OPCML: variants seen among roughly 807,000 people sequenced by gnomAD.
OPCML encodes the protein opioid-binding protein/cell adhesion molecule.
Under a neutral mutation model 37.8 loss-of-function variants are expected in OPCML, and 13 were observed. The observed-to-expected ratio is 0.34, with a 90% CI of 0.22 to 0.55. The LOEUF (loss-of-function observed/expected upper bound fraction) is 0.55. OPCML is among the 20% of genes least tolerant of loss of function. The probability of loss-of-function intolerance (pLI) is 0.91; values close to 1 mark genes in which losing one functional copy is unlikely to be tolerated. For missense variants in OPCML, 341 were observed against 435.6 expected (o/e 0.78, Z 1.93); for synonymous variants, 176 against 168.8 (o/e 1.04, Z -0.33).
intron 2 of OPCML, among the ~76,000 whole-genome samples, chr11:132,724,150 A>G (rs1232616203): frequency 6.6e-6 from 1 of 152,168 alleles, no homozygotes; most frequent in Non-Finnish European, 1.5e-5. Flanking sequence ...GAGCATGTCC[A>G]GGAATGGGAC....
chr11:133,097,194 G>A (rs886747355), intron 1 of OPCML, among the ~76,000 whole-genome samples: 4 of 152,154 alleles, frequency 2.6e-5, no homozygotes, highest in Admixed American at 6.5e-5. Context: ...ATTGCGCAAT[G>A]TGTGATCTCA....
chr11:132,916,307 C>T (rs1316931365), intron 2 of OPCML, among the ~76,000 whole-genome samples: 1 of 152,114 alleles, frequency 6.6e-6, no homozygotes, highest in Non-Finnish European at 1.5e-5. Context: ...GCTGACTCTC[C>T]CCACCCATGA....
chr11:133,031,394 G>T lies in OPCML; in HGVS notation c.62-88384C>A, dbSNP rs1023239117. On this transcript the variant is annotated intron_variant, in intron 1 of 7. Transcript: ENST00000524381. The stretch of plus-strand genomic sequence containing the variant: ...AGGTGGATGGATGGATGGATGGTTG[G>T]TTGGATGGGTAGGTGAATGGATGGA... Among the ~76,000 whole-genome samples the T allele has an allele frequency of 8.1e-4, 108 of 133,310 alleles. 4 individuals are homozygous for T. The highest frequency in any genetic ancestry group is 2.7e-4 in the Non-Finnish European group (16 of 60,006). The allele number at this position is 133,310 out of a possible 152,430, so 87.5% of individuals were successfully genotyped here.
intron 1 of OPCML, among the ~76,000 whole-genome samples, chr11:133,215,761 T>A (rs906741564): frequency 6.6e-6 from 1 of 152,008 alleles, no homozygotes; most frequent in Non-Finnish European, 1.5e-5. Context: ...GGGAAGGCCT[T>A]CCACCTGCAG....
intron 2 of OPCML, among the ~76,000 whole-genome samples, chr11:132,779,847 A>G (rs1946939294): frequency 6.6e-6 from 1 of 152,216 alleles, no homozygotes; most frequent in Admixed American, 6.5e-5. Flanking sequence ...GGTCTGATTA[A>G]TTCATTCCAA....
At chr11:133,471,367 G>A (rs1947110404) in intron 1 of OPCML, among the ~76,000 whole-genome samples, 1 of 152,176 alleles carries the variant, frequency 6.6e-6, no homozygotes, top group South Asian at 2.1e-4. Context: ...AAGAAATGTT[G>A]GTAGGTAAAA....
At chr11:133,244,151 G>A (rs1235308561) in intron 1 of OPCML, among the ~76,000 whole-genome samples, 1 of 152,194 alleles carries the variant, frequency 6.6e-6, no homozygotes, top group Admixed American at 6.5e-5. Context: ...ATGGGGGTGA[G>A]GACACAGGCT....
chr11:133,299,044 T>C (rs1011577755), intron 1 of OPCML: 3 of 152,168 alleles, frequency 2.0e-5, no homozygotes, highest in Non-Finnish European at 2.9e-5. Context: ...ATCCTATTTG[T>C]AGCTTTTTAA....
chr11:132,995,332 A>G (rs1209665631), intron 1 of OPCML, among the ~76,000 whole-genome samples: 1 of 152,124 alleles, frequency 6.6e-6, no homozygotes. Flanking sequence ...TAAGGCTCTT[A>G]CTCAATGATA....
intron 2 of OPCML, among the ~76,000 whole-genome samples, chr11:132,725,587 T>C (rs769968636): frequency 1.6e-4 from 25 of 152,148 alleles, no homozygotes; most frequent in Non-Finnish European, 3.1e-4. Context: ...GAAAATGGGA[T>C]TTTCTTTTCT....
chr11:132,642,951 T>G (rs908166108), intron 3 of OPCML, among the ~76,000 whole-genome samples: 2 of 152,114 alleles, frequency 1.3e-5, no homozygotes, highest in Non-Finnish European at 2.9e-5. Flanking sequence ...TTAGAGCACT[T>G]GGAAAATGCA....
chr11:132,807,274 A>C (rs1171988943), intron 2 of OPCML, among the ~76,000 whole-genome samples: 1 of 152,166 alleles, frequency 6.6e-6, no homozygotes, highest in Non-Finnish European at 1.5e-5. Context: ...AATCCCTAAA[A>C]AGAATAATCA....
chr11:133,431,162 GTATT>G (rs1455046103), intron 1 of OPCML, among the ~76,000 whole-genome samples: 3 of 152,064 alleles, frequency 2.0e-5, no homozygotes, highest in African/African-American at 7.2e-5. Flanking sequence ...TATTTATAAA[GTATT>G]TAGTATAGTA....
chr11:133,199,880 A>G (rs943125238), intron 1 of OPCML, among the ~76,000 whole-genome samples: 10 of 152,230 alleles, frequency 6.6e-5, no homozygotes, highest in Non-Finnish European at 1.3e-4. Flanking sequence ...CCTCATACTT[A>G]GTAAAACTCT....
chr11:133,215,601 G>A (rs1939551983), intron 1 of OPCML, among the ~76,000 whole-genome samples: 1 of 152,118 alleles, frequency 6.6e-6, no homozygotes. Context: ...GAAACAGTGA[G>A]GTAAAGCAAA....
chr11:132,573,860 G>C (rs945462873), intron 3 of OPCML, among the ~76,000 whole-genome samples: 1 of 151,800 alleles, frequency 6.6e-6, no homozygotes, highest in Non-Finnish European at 1.5e-5. Context: ...TCTGGACCTG[G>C]GCTTTTCTTT....
intron 3 of OPCML, among the ~76,000 whole-genome samples, chr11:132,534,907 A>G (rs2137326515): frequency 6.6e-6 from 1 of 152,176 alleles, no homozygotes; most frequent in Non-Finnish European, 1.5e-5. Flanking sequence ...AATCAGAGAA[A>G]TGGCTTAATC....
chr11:132,981,153 TG>T (rs1291218540), intron 1 of OPCML, among the ~76,000 whole-genome samples: 1 of 152,234 alleles, frequency 6.6e-6, no homozygotes, highest in Non-Finnish European at 1.5e-5. Flanking sequence ...AGTGCATGGT[TG>T]TATTGGGCAT....
At chr11:132,696,830 G>T (rs1943617978) in intron 2 of OPCML, among the ~76,000 whole-genome samples, 1 of 151,830 alleles carries the variant, frequency 6.6e-6, no homozygotes, top group Non-Finnish European at 1.5e-5. Context: ...AATGGAGAAA[G>T]TAGAGAAGAA....
Sources: allele counts gnomAD v4.1 joint callset (sites outside exome capture counted in the v4.1 genomes callset), GRCh38; gene constraint gnomAD v4.1.1; transcripts MANE v1.5; gene names NCBI Gene and HGNC (gene_info 2026-07-23, HGNC 2026-07-21).